Variants in FAM184A observed in about 807,000 individuals in gnomAD.
FAM184A encodes the protein family with sequence similarity 184 member A.
A neutral mutation model predicts 143.8 loss-of-function variants in FAM184A; 99 were observed. The observed-to-expected ratio is 0.69, with a 90% CI of 0.58 to 0.81. The LOEUF (loss-of-function observed/expected upper bound fraction) is 0.81. Ranked by LOEUF, FAM184A falls within the 40% of genes least tolerant of loss-of-function variation. FAM184A has a pLI of 0.00. For missense variants in FAM184A, 1,217 were observed against 1,310.5 expected (o/e 0.93, Z 1.10); for synonymous variants, 427 against 446.4 (o/e 0.96, Z 0.55).
intron 1 of FAM184A, among the ~76,000 whole-genome samples, chr6:119,053,302 T>G (rs1430964625): frequency 6.6e-6 from 1 of 152,178 alleles, no homozygotes; most frequent in African/African-American, 2.4e-5. Context: ...ATAGAGGACT[T>G]GTACAGCACC....
At chr6:119,015,836 G>A (rs1369795042) in intron 5 of FAM184A, among the ~76,000 whole-genome samples, 2 of 152,230 alleles carry the variant, frequency 1.3e-5, no homozygotes, top group African/African-American at 4.8e-5. Context: ...CTCAGGGATT[G>A]TAAATACACC....
chr6:119,113,618 TGA>T (rs143508010), intron 1 of FAM184A, among the ~76,000 whole-genome samples: 2 of 150,522 alleles, frequency 1.3e-5, no homozygotes, highest in Non-Finnish European at 3.0e-5. Context: ...AATAAGATAT[TGA>T]GAGAGAGAGA....
chr6:118,999,104 A>G (rs933995619), intron 9 of FAM184A, among the ~76,000 whole-genome samples: 3 of 152,156 alleles, frequency 2.0e-5, no homozygotes, highest in African/African-American at 7.2e-5. Flanking sequence ...CTGATGAACT[A>G]GTTGTCTGGT....
chr6:118,974,469 A>G lies in FAM184A; in HGVS notation c.2874T>C (p.Thr958=). The G allele has an allele frequency of 6.2e-7, 1 of 1,612,568 alleles. No homozygotes were observed. Among genetic ancestry groups the G allele is most frequent in the Non-Finnish European group, 8.5e-7 (1 of 1,179,152 alleles). Residue 958 remains threonine, a synonymous_variant, in exon 14 of 18, where the codon ACT becomes ACC. Transcript: ENST00000338891. ...CATTTATTTCCTTGAGTAGCTCGTT[A>G]GTCTTATTAAAATCTGCCCGCATGA... ...KNIMRADFNK[T]NELLKEINAA...
intron 1 of FAM184A, among the ~76,000 whole-genome samples, chr6:119,059,766 T>A (rs1015274270): frequency 6.6e-6 from 1 of 152,256 alleles, no homozygotes; most frequent in South Asian, 2.1e-4. Flanking sequence ...AAACAAAGTA[T>A]CATACCAGTA....
At chr6:119,086,467 A>C (rs1271318027) in intron 1 of FAM184A, among the ~76,000 whole-genome samples, 3 of 152,206 alleles carry the variant, frequency 2.0e-5, no homozygotes, top group Non-Finnish European at 2.9e-5. Flanking sequence ...GCTTGAATGG[A>C]CCCTGAAGGC....
upstream of FAM184A, among the ~76,000 whole-genome samples, chr6:119,081,292 C>G (rs954838926): frequency 6.6e-6 from 1 of 152,154 alleles, no homozygotes; most frequent in Non-Finnish European, 1.5e-5. Flanking sequence ...GAAGCCACCC[C>G]CATGATCCAA....
chr6:119,036,518 A>G (rs1326920520), intron 1 of FAM184A, among the ~76,000 whole-genome samples: 1 of 151,978 alleles, frequency 6.6e-6, no homozygotes, highest in Non-Finnish European at 1.5e-5. Flanking sequence ...ATAATGTTGG[A>G]GGTATCTTTG....
intron 1 of FAM184A, among the ~76,000 whole-genome samples, chr6:119,074,363 G>C (rs981082475): frequency 2.0e-5 from 3 of 152,176 alleles, no homozygotes; most frequent in African/African-American, 7.2e-5. Context: ...CAGAGCAAGA[G>C]ACCAGTTAAG....
rs747162457 is a variant in FAM184A, at chr6:119,078,237, C to G, written c.63G>C (p.Ala21=). ...CCAGCTGTGCGGTGGCCGGCGAGGG[C>G]GCGAATTTGGCCGCCGAGCCGCCGT... is the stretch of plus-strand genomic sequence containing the variant. The part of the protein sequence containing the change: ...HYYGGSAAKF[A]PSPATAQLAG... Residue 21 remains alanine, a synonymous_variant, in exon 1 of 18, where the codon GCG becomes GCC. Transcript: ENST00000338891. The surrounding 1 kb of genome is among the most constrained non-coding windows in gnomAD (Gnocchi z 5.5). 3 of 1,533,466 alleles carry G rather than the reference C, an allele frequency of 2.0e-6. No individual in the cohort carries two copies. Among genetic ancestry groups the G allele is most frequent in the Non-Finnish European group, 2.6e-6 (3 of 1,143,612 alleles). The allele number at this position is 1,533,466 out of a possible 1,614,324, so 95.0% of individuals were successfully genotyped here.
intron 9 of FAM184A, among the ~76,000 whole-genome samples, chr6:118,996,588 T>C (rs888857379): frequency 2.0e-4 from 31 of 152,220 alleles, no homozygotes; most frequent in Admixed American, 6.5e-4. Flanking sequence ...GGGCTCTGAA[T>C]GTACATTCAA....
intron 1 of FAM184A, among the ~76,000 whole-genome samples, chr6:119,092,920 G>T (rs1174590148): frequency 6.6e-6 from 1 of 151,992 alleles, no homozygotes; most frequent in Non-Finnish European, 1.5e-5. Context: ...CTCACTCCTG[G>T]GAACATGAAG....
intron 1 of FAM184A, among the ~76,000 whole-genome samples, chr6:119,097,788 C>A (rs1033577692): frequency 5.9e-5 from 9 of 152,160 alleles, no homozygotes; most frequent in African/African-American, 1.7e-4. Flanking sequence ...CTCTGACCTG[C>A]CTTCCTTTCA....
chr6:119,145,088 C>T (rs1449310702), intron 1 of FAM184A, among the ~76,000 whole-genome samples: 1 of 152,208 alleles, frequency 6.6e-6, no homozygotes, highest in Non-Finnish European at 1.5e-5. Context: ...GCTGTAGCTG[C>T]AGCTGGTTTG....
chr6:119,125,006 T>C (rs1789319338), intron 1 of FAM184A, among the ~76,000 whole-genome samples: 1 of 152,242 alleles, frequency 6.6e-6, no homozygotes, highest in Admixed American at 6.5e-5. Context: ...GTATTGTAAT[T>C]AAGCTAATTT....
chr6:119,072,320 A>G (rs1787716607), intron 1 of FAM184A, among the ~76,000 whole-genome samples: 1 of 152,240 alleles, frequency 6.6e-6, no homozygotes, highest in Admixed American at 6.5e-5. Context: ...ATTACATCCA[A>G]GCCACTGCAT....
At chr6:119,142,479 C>T (rs752160124) in intron 1 of FAM184A, among the ~76,000 whole-genome samples, 1 of 152,170 alleles carries the variant, frequency 6.6e-6, no homozygotes, top group African/African-American at 2.4e-5. Context: ...ATGAAAACGA[C>T]ATTGAACATT....
intron 13 of FAM184A, among the ~76,000 whole-genome samples, 186 bp downstream of exon 13, chr6:118,974,838 T>G (rs549209179): frequency 1.3e-5 from 2 of 152,200 alleles, no homozygotes; most frequent in African/African-American, 4.8e-5. Context: ...TGTTACATCA[T>G]TCAAGATATA....
intron 1 of FAM184A, among the ~76,000 whole-genome samples, chr6:119,109,579 A>C (rs773946347): frequency 1.3e-5 from 2 of 152,216 alleles, no homozygotes; most frequent in Non-Finnish European, 2.9e-5. Context: ...CTCACTAAAA[A>C]GATATGGATG....
Sources: allele counts gnomAD v4.1 joint callset (sites outside exome capture counted in the v4.1 genomes callset), GRCh38; gene constraint gnomAD v4.1.1; non-coding constraint Gnocchi (gnomAD v3.1); transcripts MANE v1.5; gene names NCBI Gene and HGNC (gene_info 2026-07-23, HGNC 2026-07-21).